The following RALGAPA1 variants were observed in gnomAD, a reference collection of about 807,000 sequenced individuals.
The protein encoded by RALGAPA1 is Ral GTPase activating protein catalytic subunit alpha 1.
In RALGAPA1, 52 loss-of-function variants were observed where a neutral mutation model predicts 269.6. The ratio of observed to expected loss-of-function variants is 0.19; its 90% CI spans 0.15 to 0.24. The LOEUF (loss-of-function observed/expected upper bound fraction) is 0.24. Ranked by LOEUF, RALGAPA1 falls within the 10% of genes least tolerant of loss-of-function variation. The pLI, the probability that RALGAPA1 is intolerant of heterozygous loss-of-function variation, is 1.00. For missense variants in RALGAPA1, 1,917 were observed against 3,013.9 expected, an observed-to-expected ratio of 0.64 and a Z score of 8.52; for synonymous variants, 817 against 1,008.3, an observed-to-expected ratio of 0.81 and a Z score of 3.60.
Position 35,637,243 on chromosome 14 carries a change from A to C in RALGAPA1, c.5677-1645T>G, listed in dbSNP as rs138496986. On this transcript the variant is annotated intron_variant, in intron 31 of 41. Transcript: ENST00000680220. Reference sequence around the variant, plus strand: ...GAATTAAATAAGGCACCAATGACCAATCCCAGAGAGACAGAGATGTCACCT... The same window carrying C: ...GAATTAAATAAGGCACCAATGACCACTCCCAGAGAGACAGAGATGTCACCT... Among the ~76,000 whole-genome samples the C allele has an allele frequency of 2.4e-3, 373 of 152,358 alleles. 2 individuals are homozygous for C. The highest frequency in any genetic ancestry group is 8.6e-3 in the African/African-American group (356 of 41,590).
chr14:35,738,425 A>G, intron 12 of RALGAPA1, 88 bp downstream of exon 12: 1 of 936,074 alleles, frequency 1.1e-6, no homozygotes, highest in East Asian at 3.0e-5. Flanking sequence ...AATTTATTAT[A>G]TTGTGAAAAG....
At chr14:35,598,093 C>A (rs988460618) in intron 36 of RALGAPA1, among the ~76,000 whole-genome samples, 6 of 152,108 alleles carry the variant, frequency 3.9e-5, no homozygotes, top group African/African-American at 1.4e-4. Context: ...GTCTAGTTTT[C>A]CTCTTAACTG....
At chr14:35,702,809 G>A (rs964333033) in intron 16 of RALGAPA1, among the ~76,000 whole-genome samples, 3 of 148,908 alleles carry the variant, frequency 2.0e-5, no homozygotes, top group African/African-American at 4.9e-5. Flanking sequence ...GCGCGATCTC[G>A]GCTCACTGCA....
intron 7 of RALGAPA1, 91 bp downstream of exon 7, chr14:35,756,702 T>A: frequency 2.2e-6 from 2 of 892,964 alleles, no homozygotes; most frequent in Admixed American, 2.5e-5. Context: ...TAAGCAAATA[T>A]CTACTATGAC....
chr14:35,708,798 T>C (rs749393310), intron 16 of RALGAPA1, among the ~76,000 whole-genome samples: 7 of 152,192 alleles, frequency 4.6e-5, no homozygotes. Context: ...TGCACTCCCA[T>C]GTTTATTGCC....
chr14:35,724,616 C>T (rs1392922318), intron 14 of RALGAPA1, among the ~76,000 whole-genome samples: 1 of 151,962 alleles, frequency 6.6e-6, no homozygotes, highest in Non-Finnish European at 1.5e-5. Context: ...TTCATTATTA[C>T]AGAATAACAT....
rs780333557 is a variant in RALGAPA1 at position 35,664,778 on chromosome 14, C to T, written c.5203-11G>A. 1.2e-6 allele frequency: 2 copies of T among 1,600,450 alleles called. No homozygotes were observed. Among genetic ancestry groups the T allele is most frequent in the South Asian group, 1.1e-5 (1 of 87,854 alleles). Reference sequence around the variant, plus strand: ...TTCTACTCTTGGTGCCTATGTATCACATTTTTAAAAAGTTTAAAAATATAT... The same window carrying T: ...TTCTACTCTTGGTGCCTATGTATCATATTTTTAAAAAGTTTAAAAATATAT... On this transcript the variant is annotated splice_polypyrimidine_tract_variant and intron_variant, in intron 26 of 41. Coordinates refer to ENST00000680220, the MANE Select transcript of RALGAPA1 (RefSeq NM_001346249.2).
chr14:35,600,512 T>C (rs2059231414), intron 36 of RALGAPA1, among the ~76,000 whole-genome samples: 1 of 152,172 alleles, frequency 6.6e-6, no homozygotes, highest in Non-Finnish European at 1.5e-5. Context: ...GTTACAGGTG[T>C]AAGCCACCAT....
intron 21 of RALGAPA1, among the ~76,000 whole-genome samples, chr14:35,678,375 C>T (rs1199723013): frequency 6.6e-6 from 1 of 152,048 alleles, no homozygotes; most frequent in African/African-American, 2.4e-5. Flanking sequence ...ATATCTACTC[C>T]CATTTCTGGC....
intron 37 of RALGAPA1, among the ~76,000 whole-genome samples, chr14:35,579,311 C>A (rs147767208): frequency 4.6e-5 from 7 of 152,226 alleles, no homozygotes; most frequent in African/African-American, 1.7e-4. Context: ...GGGGCCAAAT[C>A]ACGTAGTGCC....
At chr14:35,583,119 G>C (rs2058057152) in intron 37 of RALGAPA1, among the ~76,000 whole-genome samples, 2 of 152,206 alleles carry the variant, frequency 1.3e-5, no homozygotes, top group Admixed American at 1.3e-4. Context: ...ATAAGCACCA[G>C]AGTCAGATGT....
chr14:35,808,889 C>T lies in RALGAPA1; in HGVS notation c.-54G>A. 1 of 1,574,458 alleles carries T rather than the reference C, an allele frequency of 6.4e-7. No homozygotes were observed. On this transcript the variant is annotated 5_prime_UTR_variant, in exon 1 of 42. Coordinates refer to ENST00000680220, the MANE Select transcript of RALGAPA1 (RefSeq NM_001346249.2). ...CCACAGCCGGCTCCCAGCCGGGTCC[C>T]GGCGGCAGAAAGTGGAGGGAGTGGA...
chr14:35,598,175 T>A (rs968257259), intron 36 of RALGAPA1, among the ~76,000 whole-genome samples: 1 of 152,148 alleles, frequency 6.6e-6, no homozygotes, highest in East Asian at 1.9e-4. Context: ...AGCTTTAGTG[T>A]CACATATTTT....
chr14:35,645,383 GTGTGTGTA>G (rs1261579525), intron 31 of RALGAPA1, among the ~76,000 whole-genome samples: 87 of 149,930 alleles, frequency 5.8e-4, no homozygotes, highest in African/African-American at 1.9e-3. Flanking sequence ...GTGTGTGTGT[GTGTGTGTA>G]TATGTTATGT....
In RALGAPA1 at chr14:35,545,772, A is replaced by T. The variant is rs77301166; in HGVS notation, c.*23+2736T>A. Among the ~76,000 whole-genome samples the T allele has an allele frequency of 9.9e-3, 1,507 of 152,156 alleles. 11 individuals carry two copies. The highest frequency in any genetic ancestry group is 0.016 in the Non-Finnish European group (1,108 of 67,942). On this transcript the variant is annotated intron_variant, in intron 41 of 41. Coordinates refer to ENST00000680220, the MANE Select transcript of RALGAPA1 (RefSeq NM_001346249.2). Reference sequence around the variant, plus strand: ...TTGTTGTCATTCTAGAATTTCTCTTATTACAAAATAAAAAAAGATAATATT... The same window carrying T: ...TTGTTGTCATTCTAGAATTTCTCTTTTTACAAAATAAAAAAAGATAATATT...
intron 4 of RALGAPA1, among the ~76,000 whole-genome samples, chr14:35,764,411 G>A (rs1293204032): frequency 6.6e-6 from 1 of 151,766 alleles, no homozygotes; most frequent in East Asian, 1.9e-4. Context: ...TATATATATG[G>A]AGTTCCTTCT....
chr14:35,700,060 A>G, intron 17 of RALGAPA1, 102 bp downstream of exon 17: 1 of 1,090,700 alleles, frequency 9.2e-7, no homozygotes, highest in Non-Finnish European at 1.3e-6. Context: ...CACCTCCCCC[A>G]AAGAAATTAA....
chr14:35,695,448 T>C (rs930536394), intron 17 of RALGAPA1, among the ~76,000 whole-genome samples: 5 of 152,166 alleles, frequency 3.3e-5, no homozygotes, highest in African/African-American at 1.2e-4. Context: ...TTATTTTTCA[T>C]TGACAGTCAC....
chr14:35,749,386 T>A (rs2072458028), intron 9 of RALGAPA1, among the ~76,000 whole-genome samples: 1 of 152,138 alleles, frequency 6.6e-6, no homozygotes, highest in Admixed American at 6.5e-5. Context: ...ATAATGGAAT[T>A]TTCACCAAGT....
Sources: allele counts gnomAD v4.1 joint callset (sites outside exome capture counted in the v4.1 genomes callset), GRCh38; gene constraint gnomAD v4.1.1; transcripts MANE v1.5; gene names NCBI Gene and HGNC (gene_info 2026-07-23, HGNC 2026-07-21).